Variants in ERVV-1 observed in about 807,000 individuals in gnomAD.
The protein encoded by ERVV-1 is endogenous retrovirus group V member 1 Env polyprotein.
For missense variants in ERVV-1, 150 were observed against 456.5 expected, an observed-to-expected ratio of 0.33 and a Z score of 6.12; for synonymous variants, 59 against 170.2, an observed-to-expected ratio of 0.35 and a Z score of 5.09.
chr19:53,015,738 G>A lies in ERVV-1; in HGVS notation c.*214G>A, dbSNP rs144326310. 4.3e-4 allele frequency: 215 copies of A among 497,856 alleles called. No homozygotes were observed. Among genetic ancestry groups the A allele is most frequent in the African/African-American group, 3.9e-3 (198 of 50,398 alleles). The allele number at this position is 497,856 out of a possible 1,614,324, so 30.8% of individuals were successfully genotyped here. A position where few individuals can be genotyped will look rare whatever the true frequency, so the allele number is the denominator to read the frequency against. On this transcript the variant is annotated 3_prime_UTR_variant, in exon 1 of 1. Coordinates refer to ENST00000602168, the MANE Select transcript of ERVV-1 (RefSeq NM_152473.3). ...GACCCTGATGACTTCTTCGTCCCAC[G>A]TCAGCAGGAAGTAGTTACAGAAGAC... is the stretch of plus-strand genomic sequence containing the variant.
chr19:53,015,032 C>A lies in ERVV-1; in HGVS notation c.942C>A (p.Thr314=), dbSNP rs1376245690. ...TAGGTGTGACCATTTATAACACCAC[C>A]CAACCCAGACAGAAAAGAGCTCTGG... is the stretch of plus-strand genomic sequence containing the variant. The part of the protein sequence containing the change: ...RGIGVTIYNT[T]QPRQKRALGL... Residue 314 remains threonine (T), a synonymous_variant, in exon 1 of 1, where the codon ACC becomes ACA. Coordinates refer to ENST00000602168, the MANE Select transcript of ERVV-1 (RefSeq NM_152473.3). 6.7e-7 allele frequency: 1 copy of A among 1,503,314 alleles called. No individual in the cohort carries two copies. The highest frequency in any genetic ancestry group is 2.0e-5 in the Admixed American group (1 of 50,700). The allele number at this position is 1,503,314 out of a possible 1,614,324, so 93.1% of individuals were successfully genotyped here.
chr19:53,015,703 A>C lies in ERVV-1; in HGVS notation c.*179A>C, dbSNP rs1600760202. On this transcript the variant is annotated 3_prime_UTR_variant, in exon 1 of 1. Transcript: ENST00000602168. The stretch of plus-strand genomic sequence containing the variant: ...AGGGGCTCCTTCCCTGACAGAGAGC[A>C]AGAGAGGGAGACCCTGATGACTTCT... 8 of 552,616 alleles carry C rather than the reference A, an allele frequency of 1.4e-5. No homozygotes were observed. Among genetic ancestry groups the C allele is most frequent in the Non-Finnish European group, 3.2e-6 (1 of 317,032 alleles). The allele number at this position is 552,616 out of a possible 1,614,324, so 34.2% of individuals were successfully genotyped here.
Position 53,014,544 on chromosome 19 carries a change from A to C in ERVV-1, c.454A>C (p.Ser152Arg). The C allele has an allele frequency of 7.2e-7, 1 of 1,388,798 alleles. No individual in the cohort carries two copies. Among genetic ancestry groups the C allele is most frequent in the Non-Finnish European group, 9.6e-7 (1 of 1,040,806 alleles). 86.0% of individuals were successfully genotyped at this position (1,388,798 alleles called of 1,614,324 possible). The change falls in exon 1 of 1, where the codon AGC (serine) becomes CGC (arginine). Residue 152 changes from serine (S) to arginine (R), a missense_variant. Physicochemically the swap from Ser to Arg is moderately radical, Grantham distance 110. Transcript: ENST00000602168. ...CCCCAGTCCCACCATCCATCCCATG[A>C]GCTTCTCCCCAGCAGGCTGCCACCC... The part of the protein sequence containing the change: ...GFPSPTIHPM[S>R]FSPAGCHPNL...
chr19:53,015,349 TA>T, the ERVV-1 span: 1 of 704,802 alleles, frequency 1.4e-6, no homozygotes, highest in Non-Finnish European at 2.6e-6. Flanking sequence ...GAGGAGGATA[TA>T]AAAAAGATCT....
rs146946153 is a variant in ERVV-1 at position 53,015,349 on chromosome 19, T to C, written c.1259T>C (p.Ile420Thr). 1.4e-6 allele frequency: 1 copy of C among 704,802 alleles called. No individual in the cohort carries two copies. Among genetic ancestry groups the C allele is most frequent in the African/African-American group, 1.7e-5 (1 of 57,314 alleles). 43.7% of individuals were successfully genotyped at this position (704,802 alleles called of 1,614,324 possible). A position where few individuals can be genotyped will look rare whatever the true frequency, so the allele number is the denominator to read the frequency against. The change falls in exon 1 of 1, where the codon ATA becomes ACA. Residue 420 changes from isoleucine to threonine, a missense_variant. Coordinates refer to ENST00000602168, the MANE Select transcript of ERVV-1 (RefSeq NM_152473.3). ...VNNSGAIEED[I>T]KKIYDEVTWL... ...AACAGTGGGGCGATAGAGGAGGATA[T>C]AAAAAAGATCTATGATGAGGTTACG...
rs1339334092 is a variant in ERVV-1, at chr19:53,015,549, C to T, written c.*25C>T. The T allele has an allele frequency of 3.2e-6, 2 of 618,778 alleles. No individual in the cohort carries two copies. Among genetic ancestry groups the T allele is most frequent in the East Asian group, 5.5e-5 (2 of 36,610 alleles). 38.3% of individuals were successfully genotyped at this position (618,778 alleles called of 1,614,324 possible). A position where few individuals can be genotyped will look rare whatever the true frequency, so the allele number is the denominator to read the frequency against. On this transcript the variant is annotated 3_prime_UTR_variant, in exon 1 of 1. Transcript: ENST00000602168. ...ATTCACTAATTAAATATGTCTCTTCCAGGATATGGCAATTTCACACAGAGC... is the reference window on the plus strand; with the variant it reads ...ATTCACTAATTAAATATGTCTCTTCTAGGATATGGCAATTTCACACAGAGC...
rs899378165 is a variant in ERVV-1, at chr19:53,015,445, C to A, written c.1355C>A (p.Ser452Tyr). 1 of 702,094 alleles carries A rather than the reference C, an allele frequency of 1.4e-6. No homozygotes were observed. The highest frequency in any genetic ancestry group is 2.0e-5 in the Admixed American group (1 of 49,988). 43.5% of individuals were successfully genotyped at this position (702,094 alleles called of 1,614,324 possible). The part of the protein sequence containing the change: ...IWEAVKSALP[S>Y]LTWFVPLLGP... ...GAGGCTGTGAAGTCTGCCCTCCCCT[C>A]CCTCACATGGTTTGTCCCTTTACTG... Residue 452 changes from serine to tyrosine, a missense_variant, in exon 1 of 1, where the codon TCC becomes TAC. Ser to Tyr is a moderately radical substitution (Grantham distance 144). Coordinates refer to ENST00000602168, the MANE Select transcript of ERVV-1 (RefSeq NM_152473.3).
chr19:53,015,555 AT>A lies in ERVV-1; in HGVS notation c.*32del, dbSNP rs2083784617. 1.6e-6 allele frequency: 1 copy of A among 617,270 alleles called. No individual in the cohort carries two copies. Among genetic ancestry groups the A allele is most frequent in the Non-Finnish European group, 2.9e-6 (1 of 346,932 alleles). 38.2% of individuals were successfully genotyped at this position (617,270 alleles called of 1,614,324 possible). A position where few individuals can be genotyped will look rare whatever the true frequency, so the allele number is the denominator to read the frequency against. ...TAATTAAATATGTCTCTTCCAGGAT[AT>A]GGCAATTTCACACAGAGCCCCTAAA... is the stretch of plus-strand genomic sequence containing the variant. On this transcript the variant is annotated 3_prime_UTR_variant, in exon 1 of 1. Coordinates refer to ENST00000602168, the MANE Select transcript of ERVV-1 (RefSeq NM_152473.3).
At position 53,015,705 on chromosome 19, in the gene ERVV-1, G is replaced by A; in HGVS notation, c.*181G>A. ...GGGCTCCTTCCCTGACAGAGAGCAAGAGAGGGAGACCCTGATGACTTCTTC... is the reference window on the plus strand; with the variant it reads ...GGGCTCCTTCCCTGACAGAGAGCAAAAGAGGGAGACCCTGATGACTTCTTC... On this transcript the variant is annotated 3_prime_UTR_variant, in exon 1 of 1. Transcript: ENST00000602168. 2 of 551,352 alleles carry A rather than the reference G, an allele frequency of 3.6e-6. No homozygotes were observed. Among genetic ancestry groups the A allele is most frequent in the Admixed American group, 6.8e-5 (2 of 29,234 alleles). The allele number at this position is 551,352 out of a possible 1,614,324, so 34.2% of individuals were successfully genotyped here. A position where few individuals can be genotyped will look rare whatever the true frequency, so the allele number is the denominator to read the frequency against.
Position 53,015,246 on chromosome 19 carries a change from T to C in ERVV-1, c.1156T>C (p.Leu386=), listed in dbSNP as rs2083782656. 5.2e-6 allele frequency: 4 copies of C among 775,070 alleles called. No homozygotes were observed. The highest frequency in any genetic ancestry group is 2.7e-5 in the East Asian group (1 of 37,480). 48.0% of individuals were successfully genotyped at this position (775,070 alleles called of 1,614,324 possible). A position where few individuals can be genotyped will look rare whatever the true frequency, so the allele number is the denominator to read the frequency against. The change falls in exon 1 of 1, where the codon TTG becomes CTG. Residue 386 remains leucine, a synonymous_variant. Coordinates refer to ENST00000602168, the MANE Select transcript of ERVV-1 (RefSeq NM_152473.3). ...AGCAAATGTAGTCATGAACAACAGA[T>C]TGGCCTTAGATTACCTCTTAGCAGA... is the stretch of plus-strand genomic sequence containing the variant. The part of the protein sequence containing the change: ...SLANVVMNNR[L]ALDYLLAEQG...
Position 53,013,937 on chromosome 19 carries a change from C to A in ERVV-1, c.-154C>A, listed in dbSNP as rs1002559398. 11 of 1,144,318 alleles carry A rather than the reference C, an allele frequency of 9.6e-6. No homozygotes were observed. The highest frequency in any genetic ancestry group is 9.8e-6 in the Non-Finnish European group (8 of 818,216). 70.9% of individuals were successfully genotyped at this position (1,144,318 alleles called of 1,614,324 possible). ...AATCTTGGTTGCGGTGGCATCGGTT[C>A]TTCTCCTTATTTTGACCCACACTGG... On this transcript the variant is annotated 5_prime_UTR_variant, in exon 1 of 1. Transcript: ENST00000602168.
In ERVV-1 at chr19:53,014,122, C is replaced by A. The variant is rs2083776846; in HGVS notation, c.32C>A (p.Ser11Tyr). ...GAGAAATTCCTTTTCCTTTATCTTT[C>A]CCTCCTTCCCATGCCCCTACTCTCA... MTEKFLFLYL[S>Y]LLPMPLLSQA... The change falls in exon 1 of 1, where the codon TCC becomes TAC. Residue 11 changes from serine to tyrosine, a missense_variant. Coordinates refer to ENST00000602168, the MANE Select transcript of ERVV-1 (RefSeq NM_152473.3). The A allele has an allele frequency of 6.8e-7, 1 of 1,469,448 alleles. No individual in the cohort carries two copies. 91.0% of individuals were successfully genotyped at this position (1,469,448 alleles called of 1,614,324 possible).
At position 53,015,731 on chromosome 19, in the gene ERVV-1, G is replaced by A; in HGVS notation, c.*207G>A. The A allele has an allele frequency of 2.0e-5, 10 of 505,772 alleles. No individual in the cohort carries two copies. The highest frequency in any genetic ancestry group is 4.8e-4 in the Middle Eastern group (1 of 2,102). The allele number at this position is 505,772 out of a possible 1,614,324, so 31.3% of individuals were successfully genotyped here. A position where few individuals can be genotyped will look rare whatever the true frequency, so the allele number is the denominator to read the frequency against. On this transcript the variant is annotated 3_prime_UTR_variant, in exon 1 of 1. Coordinates refer to ENST00000602168, the MANE Select transcript of ERVV-1 (RefSeq NM_152473.3). ...AGAGGGAGACCCTGATGACTTCTTC[G>A]TCCCACGTCAGCAGGAAGTAGTTAC...
rs560476476 is a variant in ERVV-1, at chr19:53,015,901, T to C, written c.*377T>C. ...AATCTTTAGAAATGCAGCCCGCTGA[T>C]GGCCTCCTTGGAAACGCTGCACGCT... On this transcript the variant is annotated 3_prime_UTR_variant, in exon 1 of 1. Coordinates refer to ENST00000602168, the MANE Select transcript of ERVV-1 (RefSeq NM_152473.3). 2 of 183,408 alleles carry C rather than the reference T, an allele frequency of 1.1e-5. No individual in the cohort carries two copies. The highest frequency in any genetic ancestry group is 1.7e-4 in the East Asian group (1 of 6,012). 11.4% of individuals were successfully genotyped at this position (183,408 alleles called of 1,614,324 possible).
At position 53,015,214 on chromosome 19, in the gene ERVV-1, A is replaced by G; in HGVS notation, c.1124A>G (p.Asp375Gly). 1.3e-6 allele frequency: 1 copy of G among 774,000 alleles called. No individual in the cohort carries two copies. Among genetic ancestry groups the G allele is most frequent in the African/African-American group, 1.7e-5 (1 of 58,058 alleles). 47.9% of individuals were successfully genotyped at this position (774,000 alleles called of 1,614,324 possible). The change falls in exon 1 of 1, where the codon GAT becomes GGT. Residue 375 changes from aspartate to glycine, a missense_variant. Transcript: ENST00000602168. ...DSISKLKASIDSLANVVMNNR... is the reference protein window; with the variant it reads ...DSISKLKASIGSLANVVMNNR... Reference sequence around the variant, plus strand: ...ATCTCTAAACTCAAGGCCTCCATAGATTCTCTAGCAAATGTAGTCATGAAC... The same window carrying G: ...ATCTCTAAACTCAAGGCCTCCATAGGTTCTCTAGCAAATGTAGTCATGAAC...
Position 53,013,927 on chromosome 19 carries a change from G to A in ERVV-1, c.-164G>A, listed in dbSNP as rs1415754870. The A allele has an allele frequency of 2.2e-6, 2 of 904,818 alleles. No individual in the cohort carries two copies. The highest frequency in any genetic ancestry group is 5.3e-5 in the East Asian group (2 of 37,984). The allele number at this position is 904,818 out of a possible 1,614,324, so 56.0% of individuals were successfully genotyped here. A position where few individuals can be genotyped will look rare whatever the true frequency, so the allele number is the denominator to read the frequency against. On this transcript the variant is annotated 5_prime_UTR_variant, in exon 1 of 1. Transcript: ENST00000602168. The stretch of plus-strand genomic sequence containing the variant: ...CAGTACGGGGAATCTTGGTTGCGGT[G>A]GCATCGGTTCTTCTCCTTATTTTGA...
Position 53,015,314 on chromosome 19 carries a change from T to G in ERVV-1, c.1224T>G (p.Ile408Met), listed in dbSNP as rs1348953291. The G allele has an allele frequency of 1.4e-6, 1 of 707,408 alleles. No homozygotes were observed. The highest frequency in any genetic ancestry group is 1.7e-5 in the African/African-American group (1 of 57,252). The allele number at this position is 707,408 out of a possible 1,614,324, so 43.8% of individuals were successfully genotyped here. ...VCAVISKSCC[I>M]YVNNSGAIEE... ...CAGTGATCAGTAAATCCTGTTGCAT[T>G]TATGTCAATAACAGTGGGGCGATAG... Residue 408 changes from isoleucine (I) to methionine (M), a missense_variant, in exon 1 of 1, where the codon ATT (isoleucine) becomes ATG (methionine). Transcript: ENST00000602168.
chr19:53,014,039 C>T lies in ERVV-1; in HGVS notation c.-52C>T, dbSNP rs547334971. 1,552 of 1,524,892 alleles carry T rather than the reference C, an allele frequency of 1.0e-3. 3 individuals carry two copies. Among genetic ancestry groups the T allele is most frequent in the South Asian group, 2.2e-3 (182 of 83,694 alleles). The allele number at this position is 1,524,892 out of a possible 1,614,324, so 94.5% of individuals were successfully genotyped here. On this transcript the variant is annotated 5_prime_UTR_variant, in exon 1 of 1. Coordinates refer to ENST00000602168, the MANE Select transcript of ERVV-1 (RefSeq NM_152473.3). Reference sequence around the variant, plus strand: ...CGAACCATTTCATTATTTGTCTCTCCTATTTTCAGCACTTTCCTTTTGCTT... The same window carrying T: ...CGAACCATTTCATTATTTGTCTCTCTTATTTTCAGCACTTTCCTTTTGCTT...
In ERVV-1 at chr19:53,015,703, A is replaced by G; in HGVS notation, c.*179A>G. 1.8e-6 allele frequency: 1 copy of G among 552,734 alleles called. No homozygotes were observed. The highest frequency in any genetic ancestry group is 3.2e-6 in the Non-Finnish European group (1 of 317,024). The allele number at this position is 552,734 out of a possible 1,614,324, so 34.2% of individuals were successfully genotyped here. On this transcript the variant is annotated 3_prime_UTR_variant, in exon 1 of 1. Transcript: ENST00000602168. The stretch of plus-strand genomic sequence containing the variant: ...AGGGGCTCCTTCCCTGACAGAGAGC[A>G]AGAGAGGGAGACCCTGATGACTTCT...
Sources: gnomAD v4.1 joint callset for allele counts on GRCh38, gnomAD v4.1.1 for gene constraint, MANE v1.5 for transcripts, NCBI Gene and HGNC (gene_info 2026-07-23, HGNC 2026-07-21) for gene names.